DNAH3: variants seen among roughly 807,000 people sequenced by gnomAD.
The protein encoded by DNAH3 is axonemal beta dynein heavy chain 3.
A neutral mutation model predicts 432.5 loss-of-function variants in DNAH3; 332 were observed. The ratio of observed to expected loss-of-function variants is 0.77; its 90% CI spans 0.70 to 0.84. The LOEUF (loss-of-function observed/expected upper bound fraction) is 0.84. Ranked by LOEUF, DNAH3 falls within the 40% of genes least tolerant of loss-of-function variation. The pLI, the probability that DNAH3 is intolerant of heterozygous loss-of-function variation, is 0.00. For synonymous variants in DNAH3, 1,956 were observed against 1,900.2 expected, an observed-to-expected ratio of 1.03 and a Z score of -0.76; for missense variants, 4,861 against 5,114.0, an observed-to-expected ratio of 0.95 and a Z score of 1.51.
chr16:20,998,813 A>G (rs1323160336), intron 43 of DNAH3, among the ~76,000 whole-genome samples: 9 of 151,040 alleles, frequency 6.0e-5, no homozygotes, highest in Non-Finnish European at 1.3e-4. Flanking sequence ...TTGAATGCCC[A>G]GTTTGTGTGG....
exon 21 of DNAH3, chr16:21,075,554 G>C: frequency 6.2e-7 from 1 of 1,612,636 alleles, no homozygotes; most frequent in Non-Finnish European, 8.5e-7. Context: ...GCACCAATGG[G>C]CTCCAATCTA....
At chr16:20,959,184 T>A (rs768543696) in exon 54 of DNAH3, 1 of 1,614,152 alleles carries the variant, frequency 6.2e-7, no homozygotes, top group South Asian at 1.1e-5. Context: ...CTCACCTGAA[T>A]CTGGCATTGG....
In DNAH3 at chr16:20,963,730, TTC is replaced by T. The variant is rs1567537120; in HGVS notation, c.10152_10153del (p.Lys3385GlufsTer20). ...CCACACCTCCTCCGTAATTTCCTTC[TTC>T]TGTTTCATGATGCCGATGGTCAGGA... On this transcript the variant is annotated frameshift_variant, in exon 53 of 62. Coordinates refer to ENST00000261383, the Ensembl canonical transcript of DNAH3. LOFTEE classifies it high-confidence loss of function. 4 of 1,613,946 alleles carry T rather than the reference TTC, an allele frequency of 2.5e-6. No homozygotes were observed. Among genetic ancestry groups the T allele is most frequent in the Non-Finnish European group, 3.4e-6 (4 of 1,180,030 alleles).
chr16:20,975,471 G>T (rs1028015460), intron 50 of DNAH3, 56 bp from the exon 51 acceptor site: 7 of 1,521,250 alleles, frequency 4.6e-6, no homozygotes, highest in Admixed American at 1.9e-5. Flanking sequence ...TGGCAAAGTA[G>T]ACAAGAATTG....
exon 53 of DNAH3, chr16:20,964,512 A>C (rs575252992): frequency 1.2e-6 from 2 of 1,614,056 alleles, no homozygotes; most frequent in Admixed American, 1.7e-5. Flanking sequence ...CAATCAAGAC[A>C]GGGGTGCCTA....
At chr16:20,985,933 G>A (rs1487099203) in intron 47 of DNAH3, among the ~76,000 whole-genome samples, 1 of 151,782 alleles carries the variant, frequency 6.6e-6, no homozygotes. Context: ...TCGGTTCACT[G>A]CAACCTCTGC....
intron 29 of DNAH3, among the ~76,000 whole-genome samples, chr16:21,050,546 C>T (rs1225869382): frequency 6.6e-6 from 1 of 152,216 alleles, no homozygotes; most frequent in Admixed American, 6.5e-5. Context: ...CCAAGTGATA[C>T]TCCCATCTCA....
chr16:21,106,039 G>A (rs916712703), intron 15 of DNAH3, among the ~76,000 whole-genome samples: 1 of 151,966 alleles, frequency 6.6e-6, no homozygotes, highest in Non-Finnish European at 1.5e-5. Context: ...AATTAGCTGG[G>A]CATGGTGGCA....
chr16:20,954,717 T>C (rs944108733), intron 55 of DNAH3, 96 bp downstream of exon 55: 3 of 1,410,664 alleles, frequency 2.1e-6, no homozygotes, highest in Non-Finnish European at 2.9e-6. Context: ...CTGGCAACCC[T>C]ATCTGAGCGC....
intron 20 of DNAH3, 74 bp downstream of exon 20, chr16:21,081,562 G>A (rs1001663349): frequency 8.0e-7 from 1 of 1,243,292 alleles, no homozygotes. Context: ...CCGATATGGA[G>A]CCAATCAGAT....
intron 20 of DNAH3, 149 bp downstream of exon 20, chr16:21,081,487 G>A: frequency 3.6e-6 from 2 of 555,480 alleles, no homozygotes; most frequent in South Asian, 3.1e-5. Flanking sequence ...AATACGAGTT[G>A]GTAGCTGCAG....
chr16:21,043,182 T>A (rs964898597), intron 31 of DNAH3, among the ~76,000 whole-genome samples: 4 of 151,928 alleles, frequency 2.6e-5, no homozygotes, highest in African/African-American at 9.7e-5. Context: ...TTTGGGTATA[T>A]ACCCAGTAAT....
chr16:20,966,765 G>A (rs964895780), intron 52 of DNAH3, among the ~76,000 whole-genome samples: 1 of 152,194 alleles, frequency 6.6e-6, no homozygotes, highest in African/African-American at 2.4e-5. Context: ...TGGGTTGGAT[G>A]GAGCCCAATC....
chr16:21,106,221 T>C (rs1019430081), intron 15 of DNAH3, among the ~76,000 whole-genome samples: 4 of 150,130 alleles, frequency 2.7e-5, no homozygotes, highest in Non-Finnish European at 5.9e-5. Flanking sequence ...CAAGTGTCTA[T>C]CTATGTCTCC....
chr16:21,005,308 T>TTCCC (rs943221051), intron 41 of DNAH3, among the ~76,000 whole-genome samples: 107 of 141,736 alleles, frequency 7.5e-4, no homozygotes, highest in African/African-American at 2.5e-3. Flanking sequence ...CCTTCCCTCC[T>TTCCC]TCCCTCCCTC....
At chr16:21,097,489 T>G in exon 18 of DNAH3, 1 of 1,613,548 alleles carries the variant, frequency 6.2e-7, no homozygotes, top group Non-Finnish European at 8.5e-7. Context: ...CTCTTCCTCC[T>G]TATTGATCAA....
chr16:21,103,677 TTTTATCTA>T (rs766273774), intron 16 of DNAH3, among the ~76,000 whole-genome samples: 1 of 152,204 alleles, frequency 6.6e-6, no homozygotes, highest in Non-Finnish European at 1.5e-5. Context: ...AAATCCCTGC[TTTTATCTA>T]TTCTTGTCCT....
At chr16:20,943,030 C>T (rs1416108091) in intron 58 of DNAH3, among the ~76,000 whole-genome samples, 1 of 151,992 alleles carries the variant, frequency 6.6e-6, no homozygotes, top group Non-Finnish European at 1.5e-5. Flanking sequence ...TTCAAGTGAT[C>T]CTCCTGCCGC....
intron 57 of DNAH3, 101 bp from the exon 58 acceptor site, chr16:20,944,764 T>A (rs896277995): frequency 9.7e-5 from 107 of 1,098,434 alleles, no homozygotes; most frequent in South Asian, 1.3e-4. Flanking sequence ...TCATACTGTA[T>A]CAGTAGCACA....
Sources: gnomAD v4.1 joint callset for allele counts (sites outside exome capture counted in the v4.1 genomes callset) on GRCh38, gnomAD v4.1.1 for gene constraint, MANE v1.5 for transcripts, NCBI Gene and HGNC (gene_info 2026-07-23, HGNC 2026-07-21) for gene names.